The following IL1RAPL1 variants were observed in gnomAD, a reference collection of about 807,000 sequenced individuals.
IL1RAPL1 encodes the protein interleukin-1 receptor accessory protein-like 1.
IL1RAPL1 carries 3 observed loss-of-function variants against 48.4 expected under a neutral mutation model. That is an observed-to-expected ratio of 0.06 (90% CI 0.03 to 0.16). The LOEUF (loss-of-function observed/expected upper bound fraction) is 0.16, where lower values mean the gene tolerates loss of function less well. Ranked by LOEUF, IL1RAPL1 falls within the 10% of genes least tolerant of loss-of-function variation. The pLI, the probability that IL1RAPL1 is intolerant of heterozygous loss-of-function variation, is 1.00. For missense variants in IL1RAPL1, 349 were observed against 530.6 expected (o/e 0.66, Z 3.36); for synonymous variants, 185 against 187.7 (o/e 0.99, Z 0.12).
At chrX:29,811,141 C>T (rs1930373694) in intron 6 of IL1RAPL1, among the ~76,000 whole-genome samples, 1 of 110,263 alleles carries the variant, frequency 9.1e-6, no homozygotes, top group Admixed American at 9.8e-5. Flanking sequence ...AGAGGGGGGT[C>T]AGTGATTCTC....
chrX:28,619,671 T>C (rs1345108663), intron 1 of IL1RAPL1, among the ~76,000 whole-genome samples: 1 of 106,582 alleles, frequency 9.4e-6, no homozygotes, highest in Non-Finnish European at 1.9e-5. Flanking sequence ...CAAATACCAA[T>C]GGTTGAGTGT....
intron 5 of IL1RAPL1, among the ~76,000 whole-genome samples, chrX:29,456,370 T>C (rs943527227): frequency 8.1e-5 from 9 of 111,795 alleles, no homozygotes; most frequent in African/African-American, 2.9e-4. Flanking sequence ...TGGTCATGGC[T>C]AACTGTTATA....
intron 1 of IL1RAPL1, among the ~76,000 whole-genome samples, chrX:28,606,657 A>G (rs1444990457): frequency 8.9e-6 from 1 of 112,115 alleles, no homozygotes; most frequent in African/African-American, 3.2e-5. Context: ...ATAATTTTAA[A>G]AATATCACTA....
intron 8 of IL1RAPL1, among the ~76,000 whole-genome samples, chrX:29,921,455 A>G (rs1312828802): frequency 1.8e-5 from 2 of 112,151 alleles, no homozygotes; most frequent in Non-Finnish European, 3.8e-5. Context: ...CAAGGTGACT[A>G]TGGTACTAAA....
intron 3 of IL1RAPL1, among the ~76,000 whole-genome samples, chrX:29,315,944 A>G (rs1028822719): frequency 8.9e-6 from 1 of 111,916 alleles, no homozygotes; most frequent in African/African-American, 3.2e-5. Flanking sequence ...CTCAAAGAAC[A>G]ATCCAAAGGT....
At chrX:29,886,437 G>A (rs1932169745) in intron 6 of IL1RAPL1, among the ~76,000 whole-genome samples, 1 of 111,956 alleles carries the variant, frequency 8.9e-6, no homozygotes, top group Non-Finnish European at 1.9e-5. Context: ...ACTTAATAAA[G>A]ATGAGTAGAG....
At chrX:28,658,658 G>A (rs774273462) in intron 1 of IL1RAPL1, among the ~76,000 whole-genome samples, 1 of 111,142 alleles carries the variant, frequency 9.0e-6, no homozygotes, top group South Asian at 3.8e-4. Context: ...TATAGTGAAT[G>A]GATGGAATCT....
At chrX:28,728,422 C>T (rs1251090203) in intron 1 of IL1RAPL1, among the ~76,000 whole-genome samples, 1 of 111,911 alleles carries the variant, frequency 8.9e-6, no homozygotes. Context: ...AACCGCTACT[C>T]ACCCACAAAC....
At chrX:29,868,588 G>A (rs1285840975) in intron 6 of IL1RAPL1, among the ~76,000 whole-genome samples, 2 of 112,064 alleles carry the variant, frequency 1.8e-5, no homozygotes, top group African/African-American at 3.2e-5. Context: ...CGAACTCAAC[G>A]AATTAATGAA....
chrX:28,929,827 T>G (rs993959138), intron 2 of IL1RAPL1, among the ~76,000 whole-genome samples: 1 of 112,515 alleles, frequency 8.9e-6, no homozygotes, highest in Non-Finnish European at 1.9e-5. Flanking sequence ...TAAGAGGACT[T>G]CTCACACCTT....
intron 5 of IL1RAPL1, among the ~76,000 whole-genome samples, chrX:29,545,890 G>T (rs190654606): frequency 8.9e-6 from 1 of 111,879 alleles, no homozygotes; most frequent in African/African-American, 3.2e-5. Flanking sequence ...TTACTTACAG[G>T]ATAAAGTCTA....
At chrX:29,132,635 C>T (rs1201385589) in intron 2 of IL1RAPL1, among the ~76,000 whole-genome samples, 2 of 111,549 alleles carry the variant, frequency 1.8e-5, no homozygotes, top group Non-Finnish European at 3.8e-5. Context: ...AAGTGATGCA[C>T]GATTGTGGTG....
intron 2 of IL1RAPL1, among the ~76,000 whole-genome samples, chrX:29,267,160 C>T (rs1001579095): frequency 8.9e-6 from 1 of 112,103 alleles, no homozygotes; most frequent in African/African-American, 3.2e-5. Context: ...GTTAACCTGC[C>T]TTTTCTCACT....
At chrX:28,766,461 C>T (rs1179508714) in intron 1 of IL1RAPL1, among the ~76,000 whole-genome samples, 3 of 110,987 alleles carry the variant, frequency 2.7e-5, no homozygotes, top group Non-Finnish European at 5.7e-5. Context: ...TGTTCTGATA[C>T]AGACATGCAA....
At chrX:29,517,176 T>A (rs888481373) in intron 5 of IL1RAPL1, among the ~76,000 whole-genome samples, 8 of 110,950 alleles carry the variant, frequency 7.2e-5, no homozygotes, top group African/African-American at 2.6e-4. Flanking sequence ...TTTACTAGGG[T>A]TTATAGCTTA....
intron 1 of IL1RAPL1, among the ~76,000 whole-genome samples, chrX:28,690,595 A>G (rs1333432249): frequency 9.0e-6 from 1 of 111,042 alleles, no homozygotes; most frequent in East Asian, 2.8e-4. Context: ...ATAGGACCGT[A>G]TATATACATA....
chrX:29,098,428 A>G (rs1189690254), intron 2 of IL1RAPL1, among the ~76,000 whole-genome samples: 9 of 112,343 alleles, frequency 8.0e-5, no homozygotes, highest in African/African-American at 2.6e-4. Flanking sequence ...TCATTTTACA[A>G]TTATTATAAT....
chrX:29,140,629 A>G, intron 2 of IL1RAPL1, among the ~76,000 whole-genome samples: 1 of 112,157 alleles, frequency 8.9e-6, no homozygotes, highest in East Asian at 2.8e-4. Context: ...TCAGACTATT[A>G]TAGCAAAATA....
intron 6 of IL1RAPL1, among the ~76,000 whole-genome samples, chrX:29,845,184 A>G (rs1410258681): frequency 8.9e-6 from 1 of 111,957 alleles, no homozygotes; most frequent in African/African-American, 3.2e-5. Flanking sequence ...AATACAGGCA[A>G]TGTTTGAGCA....
Sources: gnomAD v4.1 joint callset for allele counts (sites outside exome capture counted in the v4.1 genomes callset) on GRCh38, gnomAD v4.1.1 for gene constraint, MANE v1.5 for transcripts, NCBI Gene and HGNC (gene_info 2026-07-23, HGNC 2026-07-21) for gene names.